The following ZNF470 variants were observed in gnomAD, a reference collection of about 807,000 sequenced individuals.
ZNF470 encodes zinc finger protein 470.
ZNF470 carries 13 observed loss-of-function variants against 13.9 expected under a neutral mutation model. The observed-to-expected ratio is 0.94, with a 90% CI of 0.61 to 1.49. ZNF470 has a LOEUF of 1.49. Among genes scored for constraint, ZNF470 ranks in the 40% most tolerant of loss-of-function variants. The probability of loss-of-function intolerance (pLI) is 0.00; values close to 1 mark genes in which losing one functional copy is unlikely to be tolerated. For synonymous variants in ZNF470, 293 were observed against 282.9 expected (o/e 1.04, Z -0.36); for missense variants, 929 against 857.3 (o/e 1.08, Z -1.04).
At position 56,580,210 on chromosome 19, in the gene ZNF470, TA is replaced by T; in HGVS notation, c.*1629del. ...AGGTAACTGTGAGACACAAAAGGCATAATGAAAATAGTCATGATAGTCCCAA... is the reference window on the plus strand; with the variant it reads ...AGGTAACTGTGAGACACAAAAGGCATATGAAAATAGTCATGATAGTCCCAA... On this transcript the variant is annotated 3_prime_UTR_variant, in exon 6 of 6. Coordinates refer to ENST00000330619, the MANE Select transcript of ZNF470 (RefSeq NM_001001668.4). 1.0e-6 allele frequency: 1 copy of T among 959,766 alleles called. No homozygotes were observed. The highest frequency in any genetic ancestry group is 1.2e-6 in the Non-Finnish European group (1 of 806,836). 59.5% of individuals were successfully genotyped at this position (959,766 alleles called of 1,614,324 possible).
Position 56,580,911 on chromosome 19 carries a change from T to C in ZNF470, c.*2328T>C. 2 of 984,536 alleles carry C rather than the reference T, an allele frequency of 2.0e-6. No individual in the cohort carries two copies. Among genetic ancestry groups the C allele is most frequent in the Non-Finnish European group, 2.4e-6 (2 of 829,136 alleles). The allele number at this position is 984,536 out of a possible 1,614,324, so 61.0% of individuals were successfully genotyped here. A position where few individuals can be genotyped will look rare whatever the true frequency, so the allele number is the denominator to read the frequency against. ...TTAGCTCACTGGAAAAACAGATCTGTACCTTTCACACTAATGAAATGCCTG... is the reference window on the plus strand; with the variant it reads ...TTAGCTCACTGGAAAAACAGATCTGCACCTTTCACACTAATGAAATGCCTG... On this transcript the variant is annotated 3_prime_UTR_variant, in exon 6 of 6. Transcript: ENST00000330619.
intron 3 of ZNF470, 160 bp from the exon 4 acceptor site, chr19:56,574,234 T>C (rs921508867): frequency 8.6e-7 from 1 of 1,157,268 alleles, no homozygotes; most frequent in African/African-American, 1.5e-5. Flanking sequence ...GGCAGAAAAG[T>C]TGTCCAATAA....
Position 56,578,370 on chromosome 19 carries a change from A to G in ZNF470, c.1941A>G (p.Lys647=). The G allele has an allele frequency of 1.9e-6, 3 of 1,611,518 alleles. No individual in the cohort carries two copies. Among genetic ancestry groups the G allele is most frequent in the South Asian group, 1.1e-5 (1 of 90,792 alleles). Residue 647 remains lysine (K), a synonymous_variant, in exon 6 of 6, where the codon AAA becomes AAG. Coordinates refer to ENST00000330619, the MANE Select transcript of ZNF470 (RefSeq NM_001001668.4). ...TLHQRIHTGE[K]PYECKECSKA... The stretch of plus-strand genomic sequence containing the variant: ...ATCAGAGAATTCATACAGGAGAGAA[A>G]CCTTATGAGTGTAAGGAATGTAGCA...
At chr19:56,568,114 T>A (rs1014670823) in intron 1 of ZNF470, 76 bp downstream of exon 1, 2 of 985,768 alleles carry the variant, frequency 2.0e-6, no homozygotes, top group South Asian at 9.4e-5. Context: ...GGGGTTCAGG[T>A]GCTGGAGGAG....
chr19:56,579,093 A>G lies in ZNF470; in HGVS notation c.*510A>G, dbSNP rs1048170807. On this transcript the variant is annotated 3_prime_UTR_variant, in exon 6 of 6. Coordinates refer to ENST00000330619, the MANE Select transcript of ZNF470 (RefSeq NM_001001668.4). The stretch of plus-strand genomic sequence containing the variant: ...ATTGTTGATGAGCAACTCTCACTTT[A>G]CCTGACACTGAGAAGTGAGAATCAG... 3.0e-6 allele frequency: 3 copies of G among 985,468 alleles called. No homozygotes were observed. In the African/African-American group the frequency reaches 5.2e-5, roughly 17 times the overall value. 61.0% of individuals were successfully genotyped at this position (985,468 alleles called of 1,614,324 possible).
In ZNF470 at chr19:56,581,222, T is replaced by C. The variant is rs909078139; in HGVS notation, c.*2639T>C. On this transcript the variant is annotated 3_prime_UTR_variant, in exon 6 of 6. Coordinates refer to ENST00000330619, the MANE Select transcript of ZNF470 (RefSeq NM_001001668.4). Reference sequence around the variant, plus strand: ...GGACTAATGTCCCATTCACAAAAGATGCAATAAAAGCAGTTAATGAAAATT... The same window carrying C: ...GGACTAATGTCCCATTCACAAAAGACGCAATAAAAGCAGTTAATGAAAATT... 4.0e-5 allele frequency: 24 copies of C among 600,694 alleles called. No individual in the cohort carries two copies. The East Asian group carries it at 3.3e-3, about 82-fold the overall frequency. 37.2% of individuals were successfully genotyped at this position (600,694 alleles called of 1,614,324 possible).
At position 56,581,853 on chromosome 19, in the gene ZNF470, T is replaced by G; in HGVS notation, c.*3270T>G. On this transcript the variant is annotated 3_prime_UTR_variant, in exon 6 of 6. Transcript: ENST00000330619. The stretch of plus-strand genomic sequence containing the variant: ...CTGAATTTCAAAAGGCATTTGGATC[T>G]GTGTCATCCAATGGCAACTCCCTAA... 1.0e-6 allele frequency: 1 copy of G among 985,424 alleles called. No homozygotes were observed. Among genetic ancestry groups the G allele is most frequent in the Non-Finnish European group, 1.2e-6 (1 of 829,926 alleles). 61.0% of individuals were successfully genotyped at this position (985,424 alleles called of 1,614,324 possible). A position where few individuals can be genotyped will look rare whatever the true frequency, so the allele number is the denominator to read the frequency against.
chr19:56,569,813 AC>A (rs1482637298), intron 2 of ZNF470, among the ~76,000 whole-genome samples: 1 of 151,586 alleles, frequency 6.6e-6, no homozygotes, highest in Non-Finnish European at 1.5e-5. Flanking sequence ...ATATAGTGAG[AC>A]CCCCATCTCT....
intron 1 of ZNF470, 80 bp downstream of exon 1, chr19:56,568,118 G>T: frequency 1.0e-6 from 1 of 985,918 alleles, no homozygotes. Flanking sequence ...TTCAGGTGCT[G>T]GAGGAGGATG....
At position 56,570,097 on chromosome 19, in the gene ZNF470, A is replaced by T. The variant is rs2044440379; in HGVS notation, c.-32-183A>T. ...AAGAGATATTATGCTCATCCTGAAA[A>T]CCCAGAGCAGAGGGGAACCCCAGCT... On this transcript the variant is annotated intron_variant, in intron 2 of 5. Transcript: ENST00000330619. 9.4e-6 allele frequency: 5 copies of T among 531,172 alleles called. No homozygotes were observed. In the South Asian group the frequency reaches 1.2e-4, roughly 13 times the overall value. The allele number at this position is 531,172 out of a possible 1,614,324, so 32.9% of individuals were successfully genotyped here.
In ZNF470 at chr19:56,577,172, G is replaced by T. The variant is rs1243207497; in HGVS notation, c.743G>T (p.Arg248Ile). 5.0e-6 allele frequency: 8 copies of T among 1,613,316 alleles called. No homozygotes were observed. The highest frequency in any genetic ancestry group is 5.9e-6 in the Non-Finnish European group (7 of 1,179,836). The stretch of plus-strand genomic sequence containing the variant: ...ATCTCAACCCTTACTCTTCACCAAA[G>T]AATTCATACAGGAGAGAAACCCTAT... Reference protein sequence around the residue: ...SKISTLTLHQRIHTGEKPYEC... With the variant: ...SKISTLTLHQIIHTGEKPYEC... Residue 248 changes from arginine to isoleucine, a missense_variant, in exon 6 of 6, where the codon AGA becomes ATA. Coordinates refer to ENST00000330619, the MANE Select transcript of ZNF470 (RefSeq NM_001001668.4).
In ZNF470 at chr19:56,572,340, CAAAAAAAAAAAAA is replaced by C. The variant is rs564410370; in HGVS notation, c.60+1989_60+2001del. 0.011 allele frequency among the ~76,000 whole-genome samples: 175 copies of C among 16,348 alleles called. 6 individuals carry two copies. The Middle Eastern group carries it at 0.33, about 31-fold the overall frequency. The allele number at this position is 16,348 out of a possible 152,430, so 10.7% of individuals were successfully genotyped here. A position where few individuals can be genotyped will look rare whatever the true frequency, so the allele number is the denominator to read the frequency against. On this transcript the variant is annotated intron_variant, in intron 3 of 5. Coordinates refer to ENST00000330619, the MANE Select transcript of ZNF470 (RefSeq NM_001001668.4). ...CCAACATGGTGAAACCCTGTCTCTA[CAAAAAAAAAAAAA>C]AAAAAAAAAAAAAAAAAAATATATA...
At chr19:56,568,186 G>T in intron 1 of ZNF470, 148 bp downstream of exon 1, 1 of 893,860 alleles carries the variant, frequency 1.1e-6, no homozygotes, top group Non-Finnish European at 1.3e-6. Context: ...GGTCACCTTG[G>T]GTCAGAGTGG....
chr19:56,578,862 G>A lies in ZNF470; in HGVS notation c.*279G>A. The stretch of plus-strand genomic sequence containing the variant: ...TAGCACACACTGGCATATAGTTATT[G>A]CTAAATAAATGCTAGCCATTAAGGT... On this transcript the variant is annotated 3_prime_UTR_variant, in exon 6 of 6. Transcript: ENST00000330619. The A allele has an allele frequency of 8.9e-7, 1 of 1,127,028 alleles. No individual in the cohort carries two copies. 69.8% of individuals were successfully genotyped at this position (1,127,028 alleles called of 1,614,324 possible).
intron 3 of ZNF470, chr19:56,573,925 A>T (rs758531308): frequency 2.0e-6 from 2 of 982,974 alleles, no homozygotes; most frequent in Non-Finnish European, 2.4e-6. Flanking sequence ...ACCTCTTAAC[A>T]TCTCAAGAAC....
In ZNF470 at chr19:56,577,321, C is replaced by T. The variant is rs1357663134; in HGVS notation, c.892C>T (p.His298Tyr). The part of the protein sequence containing the change: ...ECGKAFSQNA[H>Y]LVQHQRVHTG... ...TGGGAAAGCCTTCAGCCAGAATGCT[C>T]ATCTTGTTCAACACCAGAGAGTTCA... Residue 298 changes from histidine (H) to tyrosine (Y), a missense_variant, in exon 6 of 6, where the codon CAT (histidine) becomes TAT (tyrosine). Physicochemically the swap from His to Tyr is moderately conservative, Grantham distance 83 (BLOSUM62 2). Transcript: ENST00000330619. The T allele has an allele frequency of 6.2e-7, 1 of 1,613,636 alleles. No individual in the cohort carries two copies. The highest frequency in any genetic ancestry group is 8.5e-7 in the Non-Finnish European group (1 of 1,179,812).
Position 56,580,198 on chromosome 19 carries a change from A to G in ZNF470, c.*1615A>G. On this transcript the variant is annotated 3_prime_UTR_variant, in exon 6 of 6. Coordinates refer to ENST00000330619, the MANE Select transcript of ZNF470 (RefSeq NM_001001668.4). Reference sequence around the variant, plus strand: ...GGGAAGAACTAGAGGTAACTGTGAGACACAAAAGGCATAATGAAAATAGTC... The same window carrying G: ...GGGAAGAACTAGAGGTAACTGTGAGGCACAAAAGGCATAATGAAAATAGTC... 2 of 977,552 alleles carry G rather than the reference A, an allele frequency of 2.0e-6. No homozygotes were observed. The highest frequency in any genetic ancestry group is 2.4e-6 in the Non-Finnish European group (2 of 822,908). 60.6% of individuals were successfully genotyped at this position (977,552 alleles called of 1,614,324 possible).
intron 3 of ZNF470, among the ~76,000 whole-genome samples, chr19:56,572,871 G>T (rs781350879): frequency 5.3e-5 from 8 of 152,254 alleles, no homozygotes; most frequent in Non-Finnish European, 1.0e-4. Flanking sequence ...CCAGAATTCT[G>T]CAAGAATCAC....
intron 2 of ZNF470, among the ~76,000 whole-genome samples, chr19:56,569,491 T>C (rs2044435047): frequency 6.6e-6 from 1 of 152,230 alleles, no homozygotes; most frequent in African/African-American, 2.4e-5. Context: ...AAATAACTTC[T>C]GTGATAGAGT....
Sources: gnomAD v4.1 joint callset for allele counts (sites outside exome capture counted in the v4.1 genomes callset) on GRCh38, gnomAD v4.1.1 for gene constraint, MANE v1.5 for transcripts, NCBI Gene and HGNC (gene_info 2026-07-23, HGNC 2026-07-21) for gene names.